Variants in NRXN3 observed in about 807,000 individuals in gnomAD.
NRXN3 encodes neurexin 3.
NRXN3 carries 32 observed loss-of-function variants against 137.6 expected under a neutral mutation model. The ratio of observed to expected loss-of-function variants is 0.23; its 90% CI spans 0.18 to 0.31. NRXN3 has a LOEUF of 0.31. Among genes scored for constraint, NRXN3 ranks in the 10% least tolerant of loss-of-function variants. The probability of loss-of-function intolerance (pLI) is 1.00; values close to 1 mark genes in which losing one functional copy is unlikely to be tolerated. For missense variants in NRXN3, 1,574 were observed against 2,062.5 expected, an observed-to-expected ratio of 0.76 and a Z score of 4.59; for synonymous variants, 798 against 784.5, an observed-to-expected ratio of 1.02 and a Z score of -0.29.
chr14:79,330,870 G>A (rs2091577538), intron 15 of NRXN3, among the ~76,000 whole-genome samples: 1 of 152,204 alleles, frequency 6.6e-6, no homozygotes, highest in Non-Finnish European at 1.5e-5. Flanking sequence ...TGAAATAAAT[G>A]TGTGAAATAA....
intron 4 of NRXN3, among the ~76,000 whole-genome samples, chr14:78,524,029 A>G (rs1422756151): frequency 1.3e-5 from 2 of 152,132 alleles, no homozygotes; most frequent in East Asian, 1.9e-4. Flanking sequence ...ACTGAGAAAA[A>G]GAAGTAAATC....
At chr14:79,703,842 CAT>C (rs996617504) in intron 19 of NRXN3, among the ~76,000 whole-genome samples, 2 of 152,102 alleles carry the variant, frequency 1.3e-5, no homozygotes, top group African/African-American at 2.4e-5. Context: ...AAAGTGCAAT[CAT>C]GTGTGAAAAG....
chr14:78,671,330 A>G lies in NRXN3; in HGVS notation c.1221+20004A>G, dbSNP rs76312490. Among the ~76,000 whole-genome samples the G allele has an allele frequency of 7.2e-3, 1,104 of 152,328 alleles. 45 individuals are homozygous for G. The highest frequency in any genetic ancestry group is 0.056 in the Admixed American group (855 of 15,300). Reference sequence around the variant, plus strand: ...ATCATTTTCAAATTCAGAGAGAAAAAAAGGCAGTGGAAGTGGAAAAGCTAA... The same window carrying G: ...ATCATTTTCAAATTCAGAGAGAAAAGAAGGCAGTGGAAGTGGAAAAGCTAA... On this transcript the variant is annotated intron_variant, in intron 6 of 20. Transcript: ENST00000335750.
chr14:79,375,209 A>T (rs1166602451), intron 15 of NRXN3, among the ~76,000 whole-genome samples: 1 of 149,152 alleles, frequency 6.7e-6, no homozygotes, highest in Non-Finnish European at 1.5e-5. Flanking sequence ...ATGTTCTTGG[A>T]CTTACCAGTA....
intron 15 of NRXN3, among the ~76,000 whole-genome samples, chr14:79,389,510 T>C (rs1047403402): frequency 6.6e-6 from 1 of 152,210 alleles, no homozygotes; most frequent in African/African-American, 2.4e-5. Context: ...CATACCTTTA[T>C]GGAACACATT....
rs200462225 is a variant in NRXN3 at position 78,270,963 on chromosome 14, A to G, written c.710-7682A>G. Among the ~76,000 whole-genome samples the G allele has an allele frequency of 5.9e-5, 9 of 152,344 alleles. No individual in the cohort carries two copies. The East Asian group carries it at 1.3e-3, about 23-fold the overall frequency. ...CTGTGTAGGAACACTCAAAGTGCAC[A>G]CATCTCAAACTTGTACCAGCAACTT... On this transcript the variant is annotated intron_variant, in intron 2 of 20. Transcript: ENST00000335750.
At chr14:78,923,398 G>GA (rs1448561167) in intron 10 of NRXN3, among the ~76,000 whole-genome samples, 1 of 152,122 alleles carries the variant, frequency 6.6e-6, no homozygotes, top group Non-Finnish European at 1.5e-5. Flanking sequence ...GCATAGAAAT[G>GA]AAAAAAGGAG....
intron 10 of NRXN3, among the ~76,000 whole-genome samples, chr14:78,883,958 A>G (rs761709971): frequency 3.3e-4 from 50 of 152,200 alleles, no homozygotes; most frequent in Admixed American, 3.9e-4. Context: ...AAGAGGATAG[A>G]TTAGTAATGG....
At chr14:78,249,316 A>G (rs1428053078) in intron 2 of NRXN3, among the ~76,000 whole-genome samples, 1 of 152,360 alleles carries the variant, frequency 6.6e-6, no homozygotes, top group East Asian at 1.9e-4. Flanking sequence ...TCAGAGTAGC[A>G]CGTGAACTTG....
chr14:79,647,654 A>T lies in NRXN3; in HGVS notation c.3445-16124A>T. ...AAAAGTGCATTAAAACCTCGAGCCG[A>T]CCCATCTCTCTGAAGCAGCAGTTGG... On this transcript the variant is annotated intron_variant, in intron 16 of 20. Coordinates refer to ENST00000335750, the MANE Select transcript of NRXN3 (RefSeq NM_001330195.2). Among the ~76,000 whole-genome samples the T allele has an allele frequency of 1.5e-5, 2 of 135,452 alleles. 1 individual carries two copies. Among genetic ancestry groups the T allele is most frequent in the Non-Finnish European group, 3.4e-5 (2 of 58,312 alleles). The allele number at this position is 135,452 out of a possible 152,430, so 88.9% of individuals were successfully genotyped here.
At chr14:79,067,167 A>G (rs2099681830) in intron 15 of NRXN3, among the ~76,000 whole-genome samples, 1 of 152,056 alleles carries the variant, frequency 6.6e-6, no homozygotes, top group Non-Finnish European at 1.5e-5. Flanking sequence ...TGAGAATTTT[A>G]AACATGAAGG....
chr14:79,254,742 G>A (rs1316865545), intron 15 of NRXN3, among the ~76,000 whole-genome samples: 1 of 152,090 alleles, frequency 6.6e-6, no homozygotes, highest in African/African-American at 2.4e-5. Flanking sequence ...GGCTTTAGAG[G>A]GGAAACTAGT....
At chr14:79,091,390 A>G (rs901010404) in intron 15 of NRXN3, among the ~76,000 whole-genome samples, 2 of 152,132 alleles carry the variant, frequency 1.3e-5, no homozygotes, top group African/African-American at 2.4e-5. Context: ...AGGAGTTAAT[A>G]CAAGTAGTAT....
At position 79,388,114 on chromosome 14, in the gene NRXN3, T is replaced by C. The variant is rs550110586; in HGVS notation, c.3263-79107T>C. Among the ~76,000 whole-genome samples the C allele has an allele frequency of 7.9e-4, 111 of 141,102 alleles. 4 individuals are homozygous for C. In the South Asian group the frequency reaches 0.023, roughly 30 times the overall value. 92.6% of individuals were successfully genotyped at this position (141,102 alleles called of 152,430 possible). A position where few individuals can be genotyped will look rare whatever the true frequency, so the allele number is the denominator to read the frequency against. On this transcript the variant is annotated intron_variant, in intron 15 of 20. Coordinates refer to ENST00000335750, the MANE Select transcript of NRXN3 (RefSeq NM_001330195.2). Reference sequence around the variant, plus strand: ...ACTTAAAGTATAATAAAAAAAAAAGTAGGATATTTTTTAAAAAGTGTGTGG... The same window carrying C: ...ACTTAAAGTATAATAAAAAAAAAAGCAGGATATTTTTTAAAAAGTGTGTGG...
intron 15 of NRXN3, among the ~76,000 whole-genome samples, chr14:79,349,175 C>T (rs1208208020): frequency 6.6e-6 from 1 of 152,060 alleles, no homozygotes; most frequent in East Asian, 1.9e-4. Context: ...TGCCAGATTT[C>T]AATTCCTACG....
intron 14 of NRXN3, among the ~76,000 whole-genome samples, chr14:78,982,946 C>T (rs1356784656): frequency 6.6e-6 from 1 of 151,954 alleles, no homozygotes; most frequent in South Asian, 2.1e-4. Context: ...AATAAGAAAA[C>T]AAATACCCCA....
intron 18 of NRXN3, among the ~76,000 whole-genome samples, chr14:79,695,426 G>A (rs558323979): frequency 7.2e-5 from 11 of 151,860 alleles, no homozygotes; most frequent in African/African-American, 2.2e-4. Flanking sequence ...ATTATGATTC[G>A]CCAGCAGTTG....
At chr14:78,638,342 C>T (rs2097584261) in intron 4 of NRXN3, among the ~76,000 whole-genome samples, 2 of 152,140 alleles carry the variant, frequency 1.3e-5, no homozygotes, top group Non-Finnish European at 2.9e-5. Flanking sequence ...TTTTAAAATA[C>T]CTGTGTGATG....
At chr14:79,494,941 C>A (rs996174182) in intron 16 of NRXN3, among the ~76,000 whole-genome samples, 1 of 152,202 alleles carries the variant, frequency 6.6e-6, no homozygotes, top group African/African-American at 2.4e-5. Flanking sequence ...TGATAATCTA[C>A]AAATACTTTT....
Sources: gnomAD v4.1 joint callset for allele counts (sites outside exome capture counted in the v4.1 genomes callset) on GRCh38, gnomAD v4.1.1 for gene constraint, MANE v1.5 for transcripts, NCBI Gene and HGNC (gene_info 2026-07-23, HGNC 2026-07-21) for gene names.